The following NCOR1 variants were observed in gnomAD, a reference collection of about 807,000 sequenced individuals.
The protein encoded by NCOR1 is nuclear receptor corepressor 1.
NCOR1 carries 63 observed loss-of-function variants against 288.1 expected under a neutral mutation model. The observed-to-expected ratio is 0.22, with a 90% CI of 0.18 to 0.27. The LOEUF is 0.27. Among genes scored for constraint, NCOR1 ranks in the 10% least tolerant of loss-of-function variants. The pLI, the probability that NCOR1 is intolerant of heterozygous loss-of-function variation, is 1.00. For synonymous variants in NCOR1, 1,007 were observed against 1,065.9 expected, an observed-to-expected ratio of 0.94 and a Z score of 1.08; for missense variants, 2,397 against 3,019.2, an observed-to-expected ratio of 0.79 and a Z score of 4.83.
intron 14 of NCOR1, among the ~76,000 whole-genome samples, chr17:16,129,186 T>C (rs2075225761): frequency 6.6e-6 from 1 of 152,198 alleles, no homozygotes; most frequent in South Asian, 2.1e-4. Context: ...ACTCCCCACA[T>C]GCAAAATCAC....
intron 10 of NCOR1, 99 bp from the exon 11 acceptor site, chr17:16,143,795 A>T: frequency 2.4e-6 from 2 of 838,740 alleles, no homozygotes; most frequent in East Asian, 2.7e-5. Flanking sequence ...GGAACTTTTT[A>T]ACCAAGTTAA....
chr17:16,213,827 A>G (rs777480200), intron 1 of NCOR1, among the ~76,000 whole-genome samples: 6 of 152,216 alleles, frequency 3.9e-5, no homozygotes, highest in Non-Finnish European at 7.3e-5. Context: ...GAATCAAGAT[A>G]CTTTGTATTA....
rs1598425646 is a variant in NCOR1, at chr17:16,090,246, G to T, written c.3016+1617C>A. On this transcript the variant is annotated intron_variant, in intron 22 of 45. Transcript: ENST00000268712. The stretch of plus-strand genomic sequence containing the variant: ...TGACCCAGATATTACTAACAATGAT[G>T]TTATGCCTTGTCATAAGTTCAACAA... Among the ~76,000 whole-genome samples the T allele has an allele frequency of 2.0e-5, 3 of 152,094 alleles. No homozygotes were observed. In the East Asian group the frequency reaches 5.8e-4, roughly 29 times the overall value.
chr17:16,103,585 C>T (rs1033038128), intron 19 of NCOR1, among the ~76,000 whole-genome samples: 1 of 152,266 alleles, frequency 6.6e-6, no homozygotes, highest in Non-Finnish European at 1.5e-5. Flanking sequence ...ATTCAAGTCA[C>T]ACTGGCCTTT....
At chr17:16,056,233 C>G (rs1169738641) in intron 40 of NCOR1, among the ~76,000 whole-genome samples, 1 of 151,894 alleles carries the variant, frequency 6.6e-6, no homozygotes, top group Non-Finnish European at 1.5e-5. Flanking sequence ...GCTCATGTGT[C>G]CTCTATGTCT....
Position 16,102,500 on chromosome 17 carries a change from CAT to C in NCOR1, c.2183-745_2183-744del, listed in dbSNP as rs373935665. On this transcript the variant is annotated intron_variant, in intron 19 of 45. Transcript: ENST00000268712. ...CAGTATATGTGAAATATCATTTTAA[CAT>C]GTGATCAATAGCAAAAAATCATAAG... Among the ~76,000 whole-genome samples, 6 of 152,194 alleles carry C rather than the reference CAT, an allele frequency of 3.9e-5. No individual in the cohort carries two copies. In the South Asian group the frequency reaches 1.0e-3, roughly 26 times the overall value.
intron 5 of NCOR1, among the ~76,000 whole-genome samples, chr17:16,159,282 G>A (rs569583028): frequency 2.6e-5 from 4 of 151,622 alleles, no homozygotes; most frequent in Admixed American, 6.6e-5. Flanking sequence ...GCATGGTGGC[G>A]CATGCCTGTA....
rs140369247 is a variant in NCOR1, at chr17:16,112,724, C to T, written c.2056-3812G>A. Reference sequence around the variant, plus strand: ...CAGGATGGTCTTGATCTCTTGAACTCGTGATCTGCCCGCCTCGGCCTCCCA... The same window carrying T: ...CAGGATGGTCTTGATCTCTTGAACTTGTGATCTGCCCGCCTCGGCCTCCCA... On this transcript the variant is annotated intron_variant, in intron 18 of 45. Coordinates refer to ENST00000268712, the MANE Select transcript of NCOR1 (RefSeq NM_006311.4). Among the ~76,000 whole-genome samples, 1,151 of 152,076 alleles carry T rather than the reference C, an allele frequency of 7.6e-3. 19 individuals carry two copies. Among genetic ancestry groups the T allele is most frequent in the East Asian group, 0.05 (257 of 5,156 alleles).
chr17:16,117,108 T>A (rs907830178), intron 18 of NCOR1, among the ~76,000 whole-genome samples: 5 of 152,248 alleles, frequency 3.3e-5, no homozygotes, highest in Non-Finnish European at 7.3e-5. Flanking sequence ...TCCAATAATG[T>A]TATACTCTCT....
intron 3 of NCOR1, among the ~76,000 whole-genome samples, chr17:16,179,139 C>T (rs868188408): frequency 2.0e-5 from 3 of 151,984 alleles, no homozygotes; most frequent in African/African-American, 7.3e-5. Context: ...CTTTGATCAA[C>T]TTAAAACCTA....
intron 9 of NCOR1, among the ~76,000 whole-genome samples, chr17:16,147,905 C>T (rs887710923): frequency 6.6e-6 from 1 of 152,166 alleles, no homozygotes; most frequent in African/African-American, 2.4e-5. Context: ...GCAACCTCCG[C>T]CTCCCGGGTT....
chr17:16,038,063 A>G (rs901736885), intron 44 of NCOR1, among the ~76,000 whole-genome samples: 2 of 152,154 alleles, frequency 1.3e-5, no homozygotes, highest in African/African-American at 4.8e-5. Context: ...TAAAGTTAAC[A>G]TGTATAGTTT....
intron 28 of NCOR1, among the ~76,000 whole-genome samples, chr17:16,072,475 A>G (rs2061870495): frequency 6.6e-6 from 1 of 152,252 alleles, no homozygotes; most frequent in African/African-American, 2.4e-5. Flanking sequence ...AGATACCTTC[A>G]AAGTTAAATC....
At chr17:16,174,061 T>C (rs1052566667) in intron 3 of NCOR1, among the ~76,000 whole-genome samples, 5 of 152,212 alleles carry the variant, frequency 3.3e-5, no homozygotes, top group African/African-American at 7.2e-5. Context: ...AAAGACTTAA[T>C]ACATAGTAAG....
At chr17:16,150,997 A>G (rs1316808560) in intron 8 of NCOR1, among the ~76,000 whole-genome samples, 2 of 151,772 alleles carry the variant, frequency 1.3e-5, no homozygotes, top group Admixed American at 6.6e-5. Context: ...AAAGTAGTCA[A>G]TAATTGCACA....
intron 2 of NCOR1, among the ~76,000 whole-genome samples, chr17:16,188,247 T>G (rs1332719854): frequency 6.6e-6 from 1 of 152,190 alleles, no homozygotes; most frequent in East Asian, 1.9e-4. Context: ...CTATAAGTTA[T>G]GAGTAAAAAA....
chr17:16,047,188 A>G, intron 41 of NCOR1, 95 bp from the exon 42 acceptor site: 1 of 1,273,104 alleles, frequency 7.9e-7, no homozygotes, highest in South Asian at 1.6e-5. Flanking sequence ...GTACTTAGAA[A>G]ACTACTGCCT....
chr17:16,135,876 C>G (rs946220844), intron 14 of NCOR1, among the ~76,000 whole-genome samples: 2 of 152,004 alleles, frequency 1.3e-5, no homozygotes, highest in Non-Finnish European at 2.9e-5. Flanking sequence ...GGAGTAAGAC[C>G]CCACCCCAAC....
At position 16,081,336 on chromosome 17, in the gene NCOR1, C is replaced by A. The variant is rs1157060999; in HGVS notation, c.3178-609G>T. Among the ~76,000 whole-genome samples, 4 of 144,926 alleles carry A rather than the reference C, an allele frequency of 2.8e-5. No homozygotes were observed. In the Admixed American group the frequency reaches 2.8e-4, roughly 10 times the overall value. On this transcript the variant is annotated intron_variant, in intron 23 of 45. Transcript: ENST00000268712. ...AATGTAAGAATCGACTTTTAAAGAA[C>A]CCTGGAAATTAACCAAAGGCTTGTA...
Sources: gnomAD v4.1 joint callset for allele counts (sites outside exome capture counted in the v4.1 genomes callset) on GRCh38, gnomAD v4.1.1 for gene constraint, MANE v1.5 for transcripts, NCBI Gene and HGNC (gene_info 2026-07-23, HGNC 2026-07-21) for gene names.